Variants in RBFOX1 observed in about 807,000 individuals in gnomAD.
RBFOX1 encodes the protein RNA binding fox-1 homolog 1, also known as RNA binding protein fox-1 homolog 1.
RBFOX1 carries 8 observed loss-of-function variants against 57.7 expected under a neutral mutation model. That is an observed-to-expected ratio of 0.14 (90% CI 0.08 to 0.25). The LOEUF (loss-of-function observed/expected upper bound fraction) is 0.25, where lower values mean the gene tolerates loss of function less well. Ranked by LOEUF, RBFOX1 falls within the 10% of genes least tolerant of loss-of-function variation. The probability of loss-of-function intolerance (pLI) is 1.00; values close to 1 mark genes in which losing one functional copy is unlikely to be tolerated. For synonymous variants in RBFOX1, 326 were observed against 222.4 expected (o/e 1.47, Z -4.15); for missense variants, 611 against 548.5 (o/e 1.11, Z -1.14).
intron 2 of RBFOX1, among the ~76,000 whole-genome samples, chr16:5,598,166 C>A (rs1228617826): frequency 6.6e-6 from 1 of 151,204 alleles, no homozygotes; most frequent in Non-Finnish European, 1.5e-5. Flanking sequence ...GGTGTGGTGG[C>A]GGGTGCCTAT....
Position 6,780,081 on chromosome 16 carries a change from TTA to T in RBFOX1, c.-16+125439_-16+125440del, listed in dbSNP as rs1491588126. On this transcript the variant is annotated intron_variant, in intron 3 of 15. Transcript: ENST00000550418. ...TATATATTTATATATATTTACATAT[TTA>T]TATATATTTATATATTTTTATATAT... 2.4e-3 allele frequency among the ~76,000 whole-genome samples: 74 copies of T among 31,164 alleles called. 19 individuals are homozygous for T. The highest frequency in any genetic ancestry group is 0.036 in the Middle Eastern group (1 of 28). The allele number at this position is 31,164 out of a possible 152,430, so 20.4% of individuals were successfully genotyped here.
At chr16:7,381,448 G>C (rs1388875594) in intron 4 of RBFOX1, among the ~76,000 whole-genome samples, 1 of 151,658 alleles carries the variant, frequency 6.6e-6, no homozygotes, top group Non-Finnish European at 1.5e-5. Context: ...TTTTCTCAAT[G>C]ATCTGTTAGT....
At chr16:6,564,160 A>G (rs766053288) in intron 2 of RBFOX1, among the ~76,000 whole-genome samples, 1 of 152,068 alleles carries the variant, frequency 6.6e-6, no homozygotes, top group African/African-American at 2.4e-5. Flanking sequence ...GAAAGTCTGT[A>G]AGCTTGATGA....
chr16:7,337,844 C>A (rs1040478295), intron 4 of RBFOX1, among the ~76,000 whole-genome samples: 4 of 152,108 alleles, frequency 2.6e-5, no homozygotes, highest in Non-Finnish European at 5.9e-5. Flanking sequence ...GCCACCACAC[C>A]CAGCTAATTT....
At chr16:6,552,500 G>T (rs1332928764) in intron 2 of RBFOX1, among the ~76,000 whole-genome samples, 1 of 152,120 alleles carries the variant, frequency 6.6e-6, no homozygotes, top group African/African-American at 2.4e-5. Flanking sequence ...GTATTCAGAT[G>T]TTTGCCTGGT....
chr16:5,621,296 C>G (rs1397531253), intron 3 of RBFOX1, among the ~76,000 whole-genome samples: 4 of 152,154 alleles, frequency 2.6e-5, no homozygotes, highest in African/African-American at 9.7e-5. Context: ...GCTGAATTAA[C>G]CTTTTTAAAG....
At chr16:5,776,151 A>G (rs1377299141) in intron 3 of RBFOX1, among the ~76,000 whole-genome samples, 1 of 152,262 alleles carries the variant, frequency 6.6e-6, no homozygotes, top group African/African-American at 2.4e-5. Flanking sequence ...CGTTCTTGGA[A>G]ATAATTTATG....
chr16:6,823,928 T>C (rs569477972), intron 3 of RBFOX1, among the ~76,000 whole-genome samples: 1 of 152,214 alleles, frequency 6.6e-6, no homozygotes, highest in South Asian at 2.1e-4. Flanking sequence ...AAGAAATCAG[T>C]GTAAGAAACG....
chr16:7,702,331 T>G (rs1405699318), intron 14 of RBFOX1, among the ~76,000 whole-genome samples: 1 of 152,200 alleles, frequency 6.6e-6, no homozygotes, highest in Admixed American at 6.5e-5. Flanking sequence ...TGAAGTGAGC[T>G]TTTGTCTCCA....
intron 2 of RBFOX1, among the ~76,000 whole-genome samples, chr16:6,579,673 T>C (rs577286218): frequency 2.0e-5 from 3 of 152,334 alleles, no homozygotes; most frequent in African/African-American, 4.8e-5. Flanking sequence ...GAGTCAGTTA[T>C]ACCTCTTTCC....
rs1334807054 is a variant in RBFOX1, at chr16:5,927,051, A to G, written c.351+59716A>G. ...ATTTATTTCTGCAGTTTCAAATACC[A>G]GAATGATTTTTGACATATTTTTATA... is the stretch of plus-strand genomic sequence containing the variant. On this transcript the variant is annotated intron_variant, in intron 4 of 19. Transcript: ENST00000641259. Among the ~76,000 whole-genome samples the G allele has an allele frequency of 2.0e-5, 3 of 152,236 alleles. No homozygotes were observed. The East Asian group carries it at 5.8e-4, about 29-fold the overall frequency.
intron 3 of RBFOX1, among the ~76,000 whole-genome samples, chr16:5,739,662 C>A (rs898767198): frequency 2.6e-5 from 4 of 152,210 alleles, no homozygotes; most frequent in African/African-American, 7.2e-5. Context: ...TTGGCATTTT[C>A]TGTGCACCCT....
chr16:7,215,043 C>A (rs2091805488), intron 4 of RBFOX1, among the ~76,000 whole-genome samples: 1 of 152,118 alleles, frequency 6.6e-6, no homozygotes, highest in Non-Finnish European at 1.5e-5. Flanking sequence ...TGTCCTAATG[C>A]TCTCCCTCTC....
At chr16:7,639,639 G>A (rs2062419493) in intron 11 of RBFOX1, among the ~76,000 whole-genome samples, 1 of 152,058 alleles carries the variant, frequency 6.6e-6, no homozygotes, top group Non-Finnish European at 1.5e-5. Flanking sequence ...CAAACGCAGT[G>A]CTCCTAGGGG....
intron 2 of RBFOX1, among the ~76,000 whole-genome samples, chr16:6,613,482 C>T (rs2098098183): frequency 6.6e-6 from 1 of 152,066 alleles, no homozygotes; most frequent in African/African-American, 2.4e-5. Flanking sequence ...AACCCTTAAA[C>T]AGTTAAGCAT....
chr16:5,902,098 C>G lies in RBFOX1; in HGVS notation c.351+34763C>G, dbSNP rs112997550. On this transcript the variant is annotated intron_variant, in intron 4 of 19. Coordinates refer to the RBFOX1 transcript ENST00000641259. ...AATTAATCATATTCCCTCTTTTGAA[C>G]TGTAAGCTCTAAATACTGTCAATTA... Among the ~76,000 whole-genome samples, 66 of 152,310 alleles carry G rather than the reference C, an allele frequency of 4.3e-4. 1 individual carries two copies. Among genetic ancestry groups the G allele is most frequent in the Middle Eastern group, 3.4e-3 (1 of 294 alleles).
chr16:6,659,714 T>C (rs1207769060), intron 3 of RBFOX1, among the ~76,000 whole-genome samples: 1 of 152,152 alleles, frequency 6.6e-6, no homozygotes, highest in Admixed American at 6.5e-5. Context: ...ATTGCAGCTC[T>C]AGCTGGTTCA....
chr16:6,940,849 GTC>G (rs61204103), intron 3 of RBFOX1, among the ~76,000 whole-genome samples: 16,099 of 59,970 alleles, frequency 0.27, 1,554 homozygotes, highest in Middle Eastern at 0.33. Flanking sequence ...TGTCCGGCTA[GTC>G]TGTGTGTGTG....
At chr16:6,416,037 A>G (rs2093616023) in intron 2 of RBFOX1, among the ~76,000 whole-genome samples, 1 of 152,210 alleles carries the variant, frequency 6.6e-6, no homozygotes, top group Admixed American at 6.5e-5. Context: ...GAGATGAGCT[A>G]CAACAGGTGT....
Sources: gnomAD v4.1 joint callset for allele counts (sites outside exome capture counted in the v4.1 genomes callset) on GRCh38, gnomAD v4.1.1 for gene constraint, MANE v1.5 for transcripts, NCBI Gene and HGNC (gene_info 2026-07-23, HGNC 2026-07-21) for gene names.